Variants in IGF1 observed in about 807,000 individuals in gnomAD.
IGF1 encodes insulin like growth factor 1.
In IGF1, 4 loss-of-function variants were observed where a neutral mutation model predicts 13.8. That is an observed-to-expected ratio of 0.29 (90% CI 0.14 to 0.66). IGF1 has a LOEUF of 0.66. Among genes scored for constraint, IGF1 ranks in the 30% least tolerant of loss-of-function variants. The pLI, the probability that IGF1 is intolerant of heterozygous loss-of-function variation, is 0.78. For synonymous variants in IGF1, 76 were observed against 72.6 expected (o/e 1.05, Z -0.23); for missense variants, 124 against 188.5 (o/e 0.66, Z 2.00).
intron 2 of IGF1, among the ~76,000 whole-genome samples, chr12:102,438,399 C>T (rs1161476920): frequency 2.6e-5 from 4 of 152,144 alleles, no homozygotes; most frequent in South Asian, 2.1e-4. Context: ...CAAGAAGTTC[C>T]GTGCAAAAAG....
intron 2 of IGF1, among the ~76,000 whole-genome samples, chr12:102,446,085 G>A (rs541662748): frequency 8.6e-5 from 13 of 151,502 alleles, no homozygotes; most frequent in East Asian, 1.9e-4. Context: ...GATGATCGTC[G>A]TGGATAAGCT....
At chr12:102,458,835 G>A (rs985658917) in intron 2 of IGF1, among the ~76,000 whole-genome samples, 1 of 151,424 alleles carries the variant, frequency 6.6e-6, no homozygotes, top group Non-Finnish European at 1.5e-5. Flanking sequence ...TTTTACAGAG[G>A]AGGTGACATT....
chr12:102,419,749 C>T (rs1875530177), intron 2 of IGF1, 59 bp from the exon 3 acceptor site: 1 of 1,542,544 alleles, frequency 6.5e-7, no homozygotes, highest in East Asian at 2.3e-5. Flanking sequence ...CTTCAGTCTT[C>T]CACCCAGCTC....
intron 2 of IGF1, among the ~76,000 whole-genome samples, chr12:102,465,169 C>A (rs187123111): frequency 7.4e-4 from 112 of 152,266 alleles, no homozygotes; most frequent in African/African-American, 2.6e-3. Context: ...AGATACACTG[C>A]CAAATTAACT....
At chr12:102,419,428 G>A (rs1198364667) in intron 3 of IGF1, 81 bp downstream of exon 3, 4 of 1,371,404 alleles carry the variant, frequency 2.9e-6, no homozygotes, top group Non-Finnish European at 4.0e-6. Flanking sequence ...AGACTATGGG[G>A]CAGGATTTCT....
chr12:102,437,216 C>G (rs900352283), intron 2 of IGF1, among the ~76,000 whole-genome samples: 5 of 152,198 alleles, frequency 3.3e-5, no homozygotes, highest in African/African-American at 7.2e-5. Context: ...AGGGGTCTCC[C>G]TGGCCTCCCT....
At chr12:102,425,970 C>T (rs936203294) in intron 2 of IGF1, among the ~76,000 whole-genome samples, 9 of 152,154 alleles carry the variant, frequency 5.9e-5, no homozygotes, top group South Asian at 2.1e-4. Context: ...GGTTTATCAA[C>T]GTCTAAGGTG....
chr12:102,465,545 A>G (rs2137220478), intron 2 of IGF1, among the ~76,000 whole-genome samples: 1 of 152,344 alleles, frequency 6.6e-6, no homozygotes, highest in East Asian at 1.9e-4. Flanking sequence ...AAAAAGGAGA[A>G]AAATTTGGTC....
At chr12:102,479,396 G>A (rs775958021) in intron 1 of IGF1, among the ~76,000 whole-genome samples, 6 of 152,192 alleles carry the variant, frequency 3.9e-5, no homozygotes, top group Non-Finnish European at 8.8e-5. Flanking sequence ...GCTTAAAAGC[G>A]CTTGCAAATT....
chr12:102,447,297 G>A lies in IGF1; in HGVS notation c.221-27607C>T, dbSNP rs146448961. Among the ~76,000 whole-genome samples, 907 of 152,204 alleles carry A rather than the reference G, an allele frequency of 6.0e-3. 1 individual carries two copies. The highest frequency in any genetic ancestry group is 0.01 in the Non-Finnish European group (687 of 67,994). On this transcript the variant is annotated intron_variant, in intron 2 of 3. Coordinates refer to ENST00000337514, the MANE Select transcript of IGF1 (RefSeq NM_000618.5). ...AATATCCTTGCTAATTTTCTGTCTC[G>A]TTGATCTGCCTAATATTGACAGTGG...
intron 2 of IGF1, among the ~76,000 whole-genome samples, chr12:102,458,730 C>CAAAAAAAAAAAAAAAAAAAAAA (rs397825972): frequency 6.8e-5 from 5 of 73,428 alleles, no homozygotes; most frequent in African/African-American, 2.1e-4. Flanking sequence ...GAACACTGAC[C>CAAAAAAAAAAAAAAAAAAAAAA]AAAAAAAAAA....
intron 2 of IGF1, among the ~76,000 whole-genome samples, chr12:102,441,668 G>A (rs1390654598): frequency 6.6e-6 from 1 of 152,180 alleles, no homozygotes; most frequent in Non-Finnish European, 1.5e-5. Flanking sequence ...AGATATTGGA[G>A]AAAAGCGTGA....
rs1017850990 is a variant in IGF1, at chr12:102,396,798, T to C, written c.*5709A>G. On this transcript the variant is annotated 3_prime_UTR_variant, in exon 4 of 4. Transcript: ENST00000337514. ...GGTTTTGTGTCCTCTCTTTTTTTTT[T>C]TTTACTTTAAAAAAGCTTGGATTTT... 2.0e-5 allele frequency: 8 copies of C among 398,062 alleles called. No homozygotes were observed. Among genetic ancestry groups the C allele is most frequent in the Non-Finnish European group, 3.5e-5 (8 of 225,778 alleles). 24.7% of individuals were successfully genotyped at this position (398,062 alleles called of 1,614,324 possible).
chr12:102,429,595 G>C (rs1299983951), intron 2 of IGF1, among the ~76,000 whole-genome samples: 1 of 151,948 alleles, frequency 6.6e-6, no homozygotes, highest in Non-Finnish European at 1.5e-5. Context: ...TTTCATCTGG[G>C]ACCAACATCA....
chr12:102,445,043 T>G (rs1878192365), intron 2 of IGF1, among the ~76,000 whole-genome samples: 1 of 152,134 alleles, frequency 6.6e-6, no homozygotes, highest in African/African-American at 2.4e-5. Context: ...GTTCAGGTGG[T>G]TGTAGATGTG....
intron 2 of IGF1, among the ~76,000 whole-genome samples, chr12:102,421,945 T>A (rs2137011804): frequency 6.6e-6 from 1 of 152,326 alleles, no homozygotes; most frequent in Non-Finnish European, 1.5e-5. Flanking sequence ...TATTCACTTC[T>A]TGGTGACTGT....
intron 2 of IGF1, among the ~76,000 whole-genome samples, chr12:102,462,240 C>T (rs1879958180): frequency 6.6e-6 from 1 of 152,184 alleles, no homozygotes; most frequent in South Asian, 2.1e-4. Flanking sequence ...TGTTTCTTGC[C>T]ACAAAACACT....
At chr12:102,404,314 G>T (rs372803631) in intron 3 of IGF1, among the ~76,000 whole-genome samples, 2 of 152,218 alleles carry the variant, frequency 1.3e-5, no homozygotes. Context: ...TGGAGAAGGT[G>T]AGAGGTTTTA....
At chr12:102,405,726 G>A (rs1194962058) in intron 3 of IGF1, among the ~76,000 whole-genome samples, 1 of 152,154 alleles carries the variant, frequency 6.6e-6, no homozygotes, top group Non-Finnish European at 1.5e-5. Flanking sequence ...GGAATGAAAT[G>A]GGAACAAATT....
Sources: allele counts gnomAD v4.1 joint callset (sites outside exome capture counted in the v4.1 genomes callset), GRCh38; gene constraint gnomAD v4.1.1; transcripts MANE v1.5; gene names NCBI Gene and HGNC (gene_info 2026-07-23, HGNC 2026-07-21).